GNG12: variants seen among roughly 807,000 people sequenced by gnomAD.
GNG12 encodes the protein G protein subunit gamma 12, also known as guanine nucleotide-binding protein G(I)/G(S)/G(O) subunit gamma-12.
For synonymous variants in GNG12, 28 were observed against 29.7 expected (o/e 0.94, Z 0.19); for missense variants, 69 against 83.8 (o/e 0.82, Z 0.69).
rs1646219357 is a variant in GNG12 at position 67,702,169 on chromosome 1, TATTTG to T, written c.*3277_*3281del. ...ATTTTAACATACAGATATAAGATTC[TATTTG>T]ATTTGATGTATTTTTTCCCCATTAA... On this transcript the variant is annotated 3_prime_UTR_variant, in exon 4 of 4. Coordinates refer to ENST00000370982, the MANE Select transcript of GNG12 (RefSeq NM_018841.6). The T allele has an allele frequency of 6.6e-6, 1 of 152,254 alleles. No individual in the cohort carries two copies. The highest frequency in any genetic ancestry group is 1.5e-5 in the Non-Finnish European group (1 of 68,058). The allele number at this position is 152,254 out of a possible 1,614,324, so 9.4% of individuals were successfully genotyped here. A position where few individuals can be genotyped will look rare whatever the true frequency, so the allele number is the denominator to read the frequency against.
chr1:67,713,905 C>G (rs1646310330), intron 2 of GNG12, among the ~76,000 whole-genome samples: 1 of 152,178 alleles, frequency 6.6e-6, no homozygotes, highest in African/African-American at 2.4e-5. Context: ...AAAAAGATTC[C>G]AGAAACAACA....
intron 1 of GNG12, among the ~76,000 whole-genome samples, chr1:67,812,380 G>C (rs1018852364): frequency 6.6e-6 from 1 of 152,156 alleles, no homozygotes; most frequent in Non-Finnish European, 1.5e-5. Context: ...AATTTCAGCT[G>C]ACAGATAAGG....
chr1:67,825,773 G>C (rs965907783), intron 1 of GNG12, among the ~76,000 whole-genome samples: 1 of 152,168 alleles, frequency 6.6e-6, no homozygotes, highest in African/African-American at 2.4e-5. Context: ...GTTCCCAGGA[G>C]TTACTACTAC....
Position 67,751,991 on chromosome 1 carries a change from T to TC in GNG12, c.-27+25466dup, listed in dbSNP as rs552610522. Among the ~76,000 whole-genome samples, 50 of 152,340 alleles carry TC rather than the reference T, an allele frequency of 3.3e-4. 1 individual carries two copies. In the East Asian group the frequency reaches 9.4e-3, roughly 29 times the overall value. On this transcript the variant is annotated intron_variant, in intron 2 of 3. Coordinates refer to ENST00000370982, the MANE Select transcript of GNG12 (RefSeq NM_018841.6). ...CAAATATCAGTATGGTCGTATTACA[T>TC]CTGTCTTTCAGCAAGAGTTATTACC...
chr1:67,717,215 A>G (rs1646330530), intron 2 of GNG12, among the ~76,000 whole-genome samples: 1 of 152,078 alleles, frequency 6.6e-6, no homozygotes, highest in Non-Finnish European at 1.5e-5. Context: ...AAAAATGTCA[A>G]TTTAAAAGGA....
At chr1:67,734,308 G>A (rs1646439133) in intron 2 of GNG12, among the ~76,000 whole-genome samples, 1 of 152,068 alleles carries the variant, frequency 6.6e-6, no homozygotes, top group African/African-American at 2.4e-5. Flanking sequence ...CTTCTTCTTT[G>A]ATAGGTTTTC....
chr1:67,748,391 G>A (rs1646519037), intron 2 of GNG12, among the ~76,000 whole-genome samples: 1 of 152,178 alleles, frequency 6.6e-6, no homozygotes. Flanking sequence ...CTACTGGGAA[G>A]ATGTAACATG....
chr1:67,787,268 AG>A (rs1475421272), intron 1 of GNG12, among the ~76,000 whole-genome samples: 1 of 152,078 alleles, frequency 6.6e-6, no homozygotes, highest in Non-Finnish European at 1.5e-5. Context: ...CAGAATGACC[AG>A]GGTTTACCAC....
intron 2 of GNG12, among the ~76,000 whole-genome samples, chr1:67,713,314 T>C (rs1646307167): frequency 6.6e-6 from 1 of 152,230 alleles, no homozygotes; most frequent in Non-Finnish European, 1.5e-5. Flanking sequence ...TGCATATGGG[T>C]AACAGATTTG....
chr1:67,832,592 A>G (rs1647053923), intron 1 of GNG12, among the ~76,000 whole-genome samples: 1 of 148,582 alleles, frequency 6.7e-6, no homozygotes, highest in Admixed American at 6.8e-5. Context: ...CCACGGGATA[A>G]CTGTCGGGGC....
chr1:67,749,625 G>T (rs761712087), intron 2 of GNG12, among the ~76,000 whole-genome samples: 1 of 152,190 alleles, frequency 6.6e-6, no homozygotes, highest in Non-Finnish European at 1.5e-5. Flanking sequence ...CAGCCTGCAC[G>T]ACAGAGCAAA....
chr1:67,723,647 G>A (rs997502166), intron 2 of GNG12, among the ~76,000 whole-genome samples: 23 of 152,158 alleles, frequency 1.5e-4, no homozygotes, highest in African/African-American at 4.3e-4. Context: ...ACAATGCTAT[G>A]AGGTTATTCC....
At chr1:67,772,285 C>T (rs949145545) in intron 2 of GNG12, among the ~76,000 whole-genome samples, 3 of 152,114 alleles carry the variant, frequency 2.0e-5, no homozygotes, top group Non-Finnish European at 2.9e-5. Context: ...AACATGAGGT[C>T]CTCAGGCCAA....
intron 1 of GNG12, among the ~76,000 whole-genome samples, chr1:67,791,727 T>G (rs1646802642): frequency 6.6e-6 from 1 of 152,162 alleles, no homozygotes. Context: ...CTCGCCTGGA[T>G]GACTTAAAGA....
intron 2 of GNG12, among the ~76,000 whole-genome samples, chr1:67,762,561 T>C (rs1048414855): frequency 3.9e-5 from 6 of 152,188 alleles, no homozygotes; most frequent in Admixed American, 2.6e-4. Flanking sequence ...TATGTACATA[T>C]ATACCTTCTA....
In GNG12 at chr1:67,760,868, T is replaced by C. The variant is rs192232910; in HGVS notation, c.-27+16590A>G. 5.9e-5 allele frequency among the ~76,000 whole-genome samples: 9 copies of C among 152,266 alleles called. No individual in the cohort carries two copies. In the East Asian group the frequency reaches 1.7e-3, roughly 29 times the overall value. On this transcript the variant is annotated intron_variant, in intron 2 of 3. Coordinates refer to ENST00000370982, the MANE Select transcript of GNG12 (RefSeq NM_018841.6). ...AATCCACAATAACAATACCAGCTAA[T>C]ATGTATTAAGGACTCTGCTTCAAGA...
At chr1:67,790,449 A>C (rs1458958272) in intron 1 of GNG12, among the ~76,000 whole-genome samples, 1 of 152,140 alleles carries the variant, frequency 6.6e-6, no homozygotes, top group Non-Finnish European at 1.5e-5. Flanking sequence ...CAGCAGGGAG[A>C]TTTAAAGGCA....
At chr1:67,777,275 G>T (rs2100763164) in intron 2 of GNG12, 183 bp downstream of exon 2, 1 of 152,390 alleles carries the variant, frequency 6.6e-6, no homozygotes, top group East Asian at 1.9e-4. Flanking sequence ...TCTTACAAAG[G>T]AACATGGGTT....
intron 2 of GNG12, among the ~76,000 whole-genome samples, chr1:67,772,930 G>C (rs1570535455): frequency 6.6e-6 from 1 of 152,340 alleles, no homozygotes; most frequent in East Asian, 1.9e-4. Flanking sequence ...TGGTGAGGGA[G>C]AGCATGTCTG....
Sources: allele counts gnomAD v4.1 joint callset (sites outside exome capture counted in the v4.1 genomes callset), GRCh38; gene constraint gnomAD v4.1.1; transcripts MANE v1.5; gene names NCBI Gene and HGNC (gene_info 2026-07-23, HGNC 2026-07-21).